GFRA1: variants seen among roughly 807,000 people sequenced by gnomAD.
GFRA1 encodes the protein GDNF family receptor alpha-1.
A neutral mutation model predicts 51.6 loss-of-function variants in GFRA1; 16 were observed. The observed-to-expected ratio is 0.31, with a 90% CI of 0.21 to 0.47. The LOEUF (loss-of-function observed/expected upper bound fraction) is 0.47, where lower values mean the gene tolerates loss of function less well. GFRA1 is among the 20% of genes least tolerant of loss of function. GFRA1 has a pLI of 1.00. For missense variants in GFRA1, 530 were observed against 594.3 expected, an observed-to-expected ratio of 0.89 and a Z score of 1.13; for synonymous variants, 270 against 241.3, an observed-to-expected ratio of 1.12 and a Z score of -1.10.
intron 6 of GFRA1, among the ~76,000 whole-genome samples, chr10:116,111,900 C>T (rs1297204692): frequency 6.6e-6 from 1 of 152,200 alleles, no homozygotes; most frequent in Non-Finnish European, 1.5e-5. Context: ...GCTGGGCTGG[C>T]ACAGCACCGG....
intron 5 of GFRA1, among the ~76,000 whole-genome samples, chr10:116,129,375 T>TC (rs545046953): frequency 1.8e-3 from 279 of 152,298 alleles, no homozygotes; most frequent in African/African-American, 6.3e-3. Flanking sequence ...TAGTTTAATA[T>TC]TTAAAAATAT....
At chr10:116,229,004 A>AG (rs1966509815) in intron 4 of GFRA1, among the ~76,000 whole-genome samples, 1 of 149,380 alleles carries the variant, frequency 6.7e-6, no homozygotes, top group Non-Finnish European at 1.5e-5. Context: ...AAAAAAAAAA[A>AG]AAAGAAAGGC....
chr10:116,211,691 G>C, intron 4 of GFRA1, 46 bp from the exon 5 acceptor site: 1 of 1,455,116 alleles, frequency 6.9e-7, no homozygotes, highest in Non-Finnish European at 9.4e-7. Context: ...GGGAGAAAGA[G>C]AGGAGAAAAA....
intron 5 of GFRA1, among the ~76,000 whole-genome samples, chr10:116,147,292 C>T (rs552761070): frequency 6.6e-6 from 1 of 152,210 alleles, no homozygotes; most frequent in East Asian, 1.9e-4. Context: ...TTTGAGAGAG[C>T]CCTTTGGCCC....
intron 5 of GFRA1, among the ~76,000 whole-genome samples, chr10:116,201,424 C>A (rs1296273280): frequency 6.6e-6 from 1 of 152,158 alleles, no homozygotes; most frequent in Admixed American, 6.5e-5. Context: ...AACCCAGAGT[C>A]TGCCAGGTTT....
At chr10:116,076,435 CAAAAA>C (rs540689836) in intron 9 of GFRA1, among the ~76,000 whole-genome samples, 8 of 150,202 alleles carry the variant, frequency 5.3e-5, no homozygotes, top group Non-Finnish European at 1.2e-4. Flanking sequence ...GAATGAGAAA[CAAAAA>C]AAAAGGAAGC....
chr10:116,260,312 A>C (rs1398030369), intron 4 of GFRA1, among the ~76,000 whole-genome samples: 2 of 152,190 alleles, frequency 1.3e-5, no homozygotes, highest in African/African-American at 4.8e-5. Flanking sequence ...TTTTGAGGCA[A>C]AATATTTTAT....
intron 5 of GFRA1, among the ~76,000 whole-genome samples, chr10:116,167,146 T>C (rs1960541541): frequency 6.6e-6 from 1 of 152,106 alleles, no homozygotes; most frequent in Non-Finnish European, 1.5e-5. Flanking sequence ...TCTCAAGCCA[T>C]ATTTTCTTTA....
intron 6 of GFRA1, among the ~76,000 whole-genome samples, chr10:116,109,088 C>T (rs73367254): frequency 0.011 from 1,661 of 152,258 alleles, 34 homozygotes; most frequent in African/African-American, 0.038. Context: ...TGCTTTCAAA[C>T]CTGTGTCATT....
chr10:116,103,656 C>T (rs568309350), intron 6 of GFRA1, among the ~76,000 whole-genome samples: 61 of 152,244 alleles, frequency 4.0e-4, no homozygotes, highest in African/African-American at 1.4e-3. Context: ...ATACCTTTTG[C>T]AGAATAAAAA....
intron 5 of GFRA1, among the ~76,000 whole-genome samples, chr10:116,197,835 C>G (rs1363557296): frequency 6.6e-6 from 1 of 152,196 alleles, no homozygotes; most frequent in African/African-American, 2.4e-5. Flanking sequence ...TGGCCAGCTA[C>G]AGGCGGATTA....
At chr10:116,202,911 T>C (rs1964451076) in intron 5 of GFRA1, among the ~76,000 whole-genome samples, 1 of 152,042 alleles carries the variant, frequency 6.6e-6, no homozygotes, top group African/African-American at 2.4e-5. Flanking sequence ...GATGGGGTGC[T>C]GAAAAGAGGT....
intron 5 of GFRA1, among the ~76,000 whole-genome samples, chr10:116,191,753 G>A (rs1441990047): frequency 7.2e-5 from 11 of 152,208 alleles, no homozygotes; most frequent in African/African-American, 2.2e-4. Context: ...GTGGCTGGGC[G>A]CAGTGGCTCA....
At chr10:116,114,900 G>A (rs1487250532) in intron 6 of GFRA1, among the ~76,000 whole-genome samples, 1 of 152,190 alleles carries the variant, frequency 6.6e-6, no homozygotes, top group South Asian at 2.1e-4. Flanking sequence ...CTGCATCCCT[G>A]TGAAGATGGA....
chr10:116,144,823 TAAAGA>T (rs1226999125), intron 5 of GFRA1, among the ~76,000 whole-genome samples: 4 of 152,062 alleles, frequency 2.6e-5, no homozygotes, highest in African/African-American at 2.4e-5. Flanking sequence ...CTCCACACCA[TAAAGA>T]AAAGACTGAT....
chr10:116,178,298 C>CTG (rs1491125429), intron 5 of GFRA1, among the ~76,000 whole-genome samples: 603 of 34,802 alleles, frequency 0.017, 9 homozygotes, highest in African/African-American at 0.042. Context: ...CCACAAGGGG[C>CTG]CGGGGGGGCG....
rs969850909 is a variant in GFRA1 at position 116,173,878 on chromosome 10, C to T, written c.433+37753G>A. Reference sequence around the variant, plus strand: ...GATCACCTAAGGTCGGGAGTTCGATCGAGACCAGCCTGACCAACATAGAGA... The same window carrying T: ...GATCACCTAAGGTCGGGAGTTCGATTGAGACCAGCCTGACCAACATAGAGA... On this transcript the variant is annotated intron_variant, in intron 5 of 10. Transcript: ENST00000355422. 2.8e-5 allele frequency among the ~76,000 whole-genome samples: 4 copies of T among 143,410 alleles called. 1 individual carries two copies. In the South Asian group the frequency reaches 8.9e-4, roughly 32 times the overall value. 94.1% of individuals were successfully genotyped at this position (143,410 alleles called of 152,430 possible). A position where few individuals can be genotyped will look rare whatever the true frequency, so the allele number is the denominator to read the frequency against.
chr10:116,228,994 A>AAAG (rs1966507259), intron 4 of GFRA1, among the ~76,000 whole-genome samples: 1 of 148,076 alleles, frequency 6.8e-6, no homozygotes, highest in Non-Finnish European at 1.5e-5. Context: ...AAAAAAAAAA[A>AAAG]AAAAAAAAAA....
At chr10:116,127,094 A>G (rs1957908583) in intron 5 of GFRA1, among the ~76,000 whole-genome samples, 2 of 39,464 alleles carry the variant, frequency 5.1e-5, no homozygotes, top group African/African-American at 1.6e-4. Flanking sequence ...GGGCTGGAGA[A>G]GAAAATGAAA....
Sources: allele counts gnomAD v4.1 joint callset (sites outside exome capture counted in the v4.1 genomes callset), GRCh38; gene constraint gnomAD v4.1.1; transcripts MANE v1.5; gene names NCBI Gene and HGNC (gene_info 2026-07-23, HGNC 2026-07-21).